PTP4A1: variants seen among roughly 807,000 people sequenced by gnomAD.
PTP4A1 encodes the protein protein tyrosine phosphatase type IVA 1.
PTP4A1 carries 9 observed loss-of-function variants against 20.5 expected under a neutral mutation model. The ratio of observed to expected loss-of-function variants is 0.44; its 90% CI spans 0.26 to 0.77. The LOEUF (loss-of-function observed/expected upper bound fraction) is 0.77. PTP4A1 is among the 30% of genes least tolerant of loss of function. The pLI is 0.19. For synonymous variants in PTP4A1, 78 were observed against 67.4 expected (o/e 1.16, Z -0.77); for missense variants, 137 against 218.8 (o/e 0.63, Z 2.36).
At chr6:63,565,281 T>G (rs1777141823) in intron 3 of PTP4A1, among the ~76,000 whole-genome samples, 1 of 152,116 alleles carries the variant, frequency 6.6e-6, no homozygotes, top group Non-Finnish European at 1.5e-5. Context: ...AATACTATAT[T>G]AAGCGGCAGA....
Position 63,580,273 on chromosome 6 carries a change from T to C in PTP4A1, c.*99T>C. 1 of 988,016 alleles carries C rather than the reference T, an allele frequency of 1.0e-6. No individual in the cohort carries two copies. Among genetic ancestry groups the C allele is most frequent in the Non-Finnish European group, 1.6e-6 (1 of 642,960 alleles). The allele number at this position is 988,016 out of a possible 1,614,324, so 61.2% of individuals were successfully genotyped here. The stretch of plus-strand genomic sequence containing the variant: ...GTTGGCTTAGTAAGTCTAATGAAGC[T>C]TCCATAGGAGTATTGAAAGGCAGTT... On this transcript the variant is annotated 3_prime_UTR_variant, in exon 6 of 6. Coordinates refer to ENST00000626021, the MANE Select transcript of PTP4A1 (RefSeq NM_003463.5).
chr6:63,557,214 G>T (rs1776729474), intron 3 of PTP4A1, among the ~76,000 whole-genome samples: 1 of 152,140 alleles, frequency 6.6e-6, no homozygotes, highest in African/African-American at 2.4e-5. Flanking sequence ...AGGTACAATG[G>T]AAGTACAGGG....
intron 2 of PTP4A1, among the ~76,000 whole-genome samples, chr6:63,545,269 G>A (rs752520921): frequency 1.3e-5 from 2 of 152,116 alleles, no homozygotes; most frequent in Non-Finnish European, 2.9e-5. Context: ...TTTTCCTTCT[G>A]CCTTTGAGTA....
intron 3 of PTP4A1, 149 bp from the exon 4 acceptor site, chr6:63,578,749 C>T (rs1371561997): frequency 2.3e-5 from 25 of 1,102,504 alleles, no homozygotes; most frequent in Non-Finnish European, 2.9e-5. Flanking sequence ...AGCATTTAGT[C>T]ACATTTGGTA....
At chr6:63,536,632 AT>A (rs1298866418) in intron 2 of PTP4A1, among the ~76,000 whole-genome samples, 7 of 152,158 alleles carry the variant, frequency 4.6e-5, no homozygotes, top group African/African-American at 1.7e-4. Flanking sequence ...CTACTGTAAC[AT>A]TTGTGTCAGT....
Position 63,539,559 on chromosome 6 carries a change from C to T in PTP4A1, c.-639-10741C>T, listed in dbSNP as rs143973069. 1.7e-3 allele frequency among the ~76,000 whole-genome samples: 255 copies of T among 152,164 alleles called. 1 individual carries two copies. Among genetic ancestry groups the T allele is most frequent in the Middle Eastern group, 6.8e-3 (2 of 294 alleles). The stretch of plus-strand genomic sequence containing the variant: ...TTGGGAGGCTGAGGCAGGCAGATCA[C>T]GAGGTCAGGAGTTCAAGACCATCCT... On this transcript the variant is annotated intron_variant, in intron 2 of 3. Coordinates refer to the PTP4A1 transcript ENST00000639568.
chr6:63,528,729 C>T (rs2149475950), intron 2 of PTP4A1, among the ~76,000 whole-genome samples: 1 of 152,170 alleles, frequency 6.6e-6, no homozygotes, highest in Non-Finnish European at 1.5e-5. Flanking sequence ...CACCACTGTA[C>T]TCCAGCCTGG....
In PTP4A1 at chr6:63,576,576, GTGGTTA is replaced by G. The variant is rs1168588527; in HGVS notation, c.-303_-298del. On this transcript the variant is annotated 5_prime_UTR_variant, in exon 2 of 6. Coordinates refer to ENST00000626021, the MANE Select transcript of PTP4A1 (RefSeq NM_003463.5). ...GCTCCACCAAGAAGCCCCCATAAGA[GTGGTTA>G]TCCTGGACACAGAAGTGTTGAATTG... 2 of 453,902 alleles carry G rather than the reference GTGGTTA, an allele frequency of 4.4e-6. No individual in the cohort carries two copies. Among genetic ancestry groups the G allele is most frequent in the African/African-American group, 4.1e-5 (2 of 49,164 alleles). The allele number at this position is 453,902 out of a possible 1,614,324, so 28.1% of individuals were successfully genotyped here.
intron 2 of PTP4A1, among the ~76,000 whole-genome samples, chr6:63,549,745 A>C (rs1776353280): frequency 6.6e-6 from 1 of 152,162 alleles, no homozygotes; most frequent in Admixed American, 6.5e-5. Context: ...CATATGTGGA[A>C]GCTAAAAAAA....
rs1458374649 is a variant in PTP4A1, at chr6:63,579,455, G to A, written c.404+124G>A. 1.3e-5 allele frequency: 8 copies of A among 629,042 alleles called. No individual in the cohort carries two copies. In the East Asian group the frequency reaches 2.3e-4, roughly 18 times the overall value. 39.0% of individuals were successfully genotyped at this position (629,042 alleles called of 1,614,324 possible). ...ATTTTTTGAGATAGTATTAAAACCA[G>A]GAAATCAAGATCTTACATTCTTTTT... is the stretch of plus-strand genomic sequence containing the variant. On this transcript the variant is annotated intron_variant, in intron 5 of 5. Coordinates refer to ENST00000626021, the MANE Select transcript of PTP4A1 (RefSeq NM_003463.5).
At position 63,578,467 on chromosome 6, in the gene PTP4A1, G is replaced by GCT; in HGVS notation, c.136_137insCT (p.Val46AlafsTer2). ...TAAGAAGTATGGAGTTACCACAATA[G>GCT]TAAGAGTATGTGAAGCAACTTATGA... is the stretch of plus-strand genomic sequence containing the variant. On this transcript the variant is annotated frameshift_variant, in exon 3 of 6. Transcript: ENST00000626021. LOFTEE classifies it high-confidence loss of function. The GCT allele has an allele frequency of 1.2e-6, 2 of 1,610,118 alleles. No individual in the cohort carries two copies.
upstream of PTP4A1, among the ~76,000 whole-genome samples, chr6:63,519,795 A>G (rs1267370553): frequency 6.6e-6 from 1 of 152,248 alleles, no homozygotes; most frequent in East Asian, 1.9e-4. Flanking sequence ...ATAAACCAAT[A>G]AGAAAATTAG....
At chr6:63,560,089 T>C (rs969577648) in intron 3 of PTP4A1, among the ~76,000 whole-genome samples, 2 of 152,148 alleles carry the variant, frequency 1.3e-5, no homozygotes, top group African/African-American at 4.8e-5. Flanking sequence ...GTTTTCATCA[T>C]TTACAATAGT....
chr6:63,543,550 C>T (rs1212384173), intron 2 of PTP4A1, among the ~76,000 whole-genome samples: 2 of 152,142 alleles, frequency 1.3e-5, no homozygotes, highest in African/African-American at 2.4e-5. Flanking sequence ...TGAATAAATG[C>T]ATCTATGTAT....
At position 63,580,863 on chromosome 6, in the gene PTP4A1, A is replaced by G. The variant is rs1471872052; in HGVS notation, c.*689A>G. On this transcript the variant is annotated 3_prime_UTR_variant, in exon 6 of 6. Coordinates refer to ENST00000626021, the MANE Select transcript of PTP4A1 (RefSeq NM_003463.5). ...AAGCACATGTCTTTAATGTCTTCAG[A>G]CAAAAAAGCCTTACATTAATTTAAT... is the stretch of plus-strand genomic sequence containing the variant. The G allele has an allele frequency of 2.0e-5, 3 of 152,528 alleles. No individual in the cohort carries two copies. Among genetic ancestry groups the G allele is most frequent in the African/African-American group, 7.2e-5 (3 of 41,418 alleles). The allele number at this position is 152,528 out of a possible 1,614,324, so 9.4% of individuals were successfully genotyped here.
intron 2 of PTP4A1, among the ~76,000 whole-genome samples, chr6:63,545,928 C>T (rs921680701): frequency 6.6e-6 from 1 of 152,106 alleles, no homozygotes; most frequent in African/African-American, 2.4e-5. Context: ...TATATTTACT[C>T]ATTTGCTTAA....
At position 63,565,639 on chromosome 6, in the gene PTP4A1, A is replaced by T. The variant is rs886805074; in HGVS notation, c.-445-10797A>T. On this transcript the variant is annotated intron_variant, in intron 3 of 3. Coordinates refer to the PTP4A1 transcript ENST00000639568. Reference sequence around the variant, plus strand: ...CTATATGTCTGACTCAACAAAACACAGTAGCCCACAGGCAGCTATTGGCCT... The same window carrying T: ...CTATATGTCTGACTCAACAAAACACTGTAGCCCACAGGCAGCTATTGGCCT... 2.0e-5 allele frequency among the ~76,000 whole-genome samples: 3 copies of T among 152,336 alleles called. No individual in the cohort carries two copies. In the South Asian group the frequency reaches 6.2e-4, roughly 32 times the overall value.
intron 3 of PTP4A1, among the ~76,000 whole-genome samples, chr6:63,561,631 T>C (rs749479739): frequency 4.6e-5 from 7 of 152,218 alleles, no homozygotes; most frequent in African/African-American, 7.2e-5. Context: ...ACTTAGGTTA[T>C]ACCCAAGTCA....
chr6:63,526,711 A>G (rs1489462638), intron 1 of PTP4A1, among the ~76,000 whole-genome samples: 1 of 149,712 alleles, frequency 6.7e-6, no homozygotes, highest in Non-Finnish European at 1.5e-5. Flanking sequence ...CGGAGGCTGC[A>G]TTTCTTGAAT....
Sources: allele counts gnomAD v4.1 joint callset (sites outside exome capture counted in the v4.1 genomes callset), GRCh38; gene constraint gnomAD v4.1.1; transcripts MANE v1.5; gene names NCBI Gene and HGNC (gene_info 2026-07-23, HGNC 2026-07-21).